Variants in PIWIL2 observed in about 807,000 individuals in gnomAD.
The protein encoded by PIWIL2 is piwi like RNA-mediated gene silencing 2.
A neutral mutation model predicts 116.5 loss-of-function variants in PIWIL2; 81 were observed. The observed-to-expected ratio is 0.70, with a 90% CI of 0.58 to 0.84. The LOEUF is 0.84. PIWIL2 is among the 40% of genes least tolerant of loss of function. PIWIL2 has a pLI of 0.00. For missense variants in PIWIL2, 1,272 were observed against 1,212.3 expected, an observed-to-expected ratio of 1.05 and a Z score of -0.73; for synonymous variants, 489 against 429.5, an observed-to-expected ratio of 1.14 and a Z score of -1.71.
intron 10 of PIWIL2, among the ~76,000 whole-genome samples, chr8:22,297,592 A>G (rs76108385): frequency 6.6e-6 from 1 of 152,190 alleles, no homozygotes; most frequent in Non-Finnish European, 1.5e-5. Flanking sequence ...GGCAGACTTT[A>G]TTCAGAACCA....
intron 6 of PIWIL2, 74 bp downstream of exon 6, chr8:22,284,346 A>G (rs1830584265): frequency 2.7e-6 from 2 of 743,584 alleles, no homozygotes; most frequent in Non-Finnish European, 2.3e-6. Flanking sequence ...GGAATAACTG[A>G]ATATTGTCCT....
At position 22,281,126 on chromosome 8, in the gene PIWIL2, G is replaced by A. The variant is rs1177659367; in HGVS notation, c.205G>A (p.Val69Met). The A allele has an allele frequency of 3.1e-6, 5 of 1,606,280 alleles. No homozygotes were observed. Among genetic ancestry groups the A allele is most frequent in the East Asian group, 2.2e-5 (1 of 44,804 alleles). Residue 69 changes from valine to methionine, a missense_variant, in exon 3 of 23, where the codon GTG (valine) becomes ATG (methionine). Transcript: ENST00000356766. ...ATTCTTTGACTTTCCACAGGAGTCT[G>A]TGGGTTTGGTCTCCATGTTCCGAGG... is the stretch of plus-strand genomic sequence containing the variant. ...TQRGPAQRES[V>M]GLVSMFRGLG...
At chr8:22,335,370 A>G (rs760198276) in intron 20 of PIWIL2, among the ~76,000 whole-genome samples, 9 of 152,038 alleles carry the variant, frequency 5.9e-5, no homozygotes, top group African/African-American at 9.7e-5. Context: ...CTGTAGTCCT[A>G]TTTATTTTTT....
Position 22,283,023 on chromosome 8 carries a change from C to G in PIWIL2, c.426-11C>G. 1 of 1,610,030 alleles carries G rather than the reference C, an allele frequency of 6.2e-7. No homozygotes were observed. Among genetic ancestry groups the G allele is most frequent in the Non-Finnish European group, 8.5e-7 (1 of 1,176,242 alleles). ...AAAAAACCCTGATTTGCCTCTCTCTCCACATTTCAGGACGCTTGGAAGAGG... is the reference window on the plus strand; with the variant it reads ...AAAAAACCCTGATTTGCCTCTCTCTGCACATTTCAGGACGCTTGGAAGAGG... On this transcript the variant is annotated splice_polypyrimidine_tract_variant and intron_variant, in intron 4 of 22. Coordinates refer to ENST00000356766, the MANE Select transcript of PIWIL2 (RefSeq NM_018068.5).
intron 16 of PIWIL2, 33 bp from the exon 17 acceptor site, chr8:22,314,295 C>A: frequency 8.2e-7 from 1 of 1,213,066 alleles, no homozygotes; most frequent in Non-Finnish European, 1.1e-6. Flanking sequence ...GAGAATTCCA[C>A]AGCCTGACTT....
At chr8:22,350,933 G>T (rs1363797602) in intron 20 of PIWIL2, among the ~76,000 whole-genome samples, 1 of 152,136 alleles carries the variant, frequency 6.6e-6, no homozygotes, top group Admixed American at 6.5e-5. Context: ...CTGAGGTCAG[G>T]AGTTTGAGAC....
intron 19 of PIWIL2, among the ~76,000 whole-genome samples, chr8:22,316,629 G>A (rs528773546): frequency 2.6e-5 from 4 of 151,732 alleles, no homozygotes; most frequent in South Asian, 2.1e-4. Flanking sequence ...TTACAGGTGC[G>A]CACCACCATG....
chr8:22,351,440 CA>C (rs1832353213), intron 20 of PIWIL2, among the ~76,000 whole-genome samples: 1 of 52,932 alleles, frequency 1.9e-5, no homozygotes. Flanking sequence ...TGCATACATA[CA>C]TATATATATA....
At chr8:22,341,305 A>G (rs1832102477) in intron 20 of PIWIL2, among the ~76,000 whole-genome samples, 1 of 152,022 alleles carries the variant, frequency 6.6e-6, no homozygotes, top group Non-Finnish European at 1.5e-5. Context: ...GATTTAAAAA[A>G]AAAAAAAAGT....
intron 16 of PIWIL2, among the ~76,000 whole-genome samples, chr8:22,312,312 T>C (rs993771036): frequency 6.6e-6 from 1 of 151,802 alleles, no homozygotes; most frequent in African/African-American, 2.4e-5. Flanking sequence ...GTCACCCATG[T>C]GGAGTACACT....
At chr8:22,349,431 A>G (rs1387206100) in intron 20 of PIWIL2, among the ~76,000 whole-genome samples, 2 of 145,950 alleles carry the variant, frequency 1.4e-5, no homozygotes, top group African/African-American at 4.9e-5. Flanking sequence ...ATATATATAT[A>G]TATATATATA....
At chr8:22,293,837 C>CT (rs1447800440) in intron 10 of PIWIL2, among the ~76,000 whole-genome samples, 2 of 152,086 alleles carry the variant, frequency 1.3e-5, no homozygotes, top group Non-Finnish European at 2.9e-5. Flanking sequence ...AAATACTGTA[C>CT]TTTTTTTGGT....
At chr8:22,280,419 T>C (rs1356253319) in intron 2 of PIWIL2, among the ~76,000 whole-genome samples, 1 of 152,236 alleles carries the variant, frequency 6.6e-6, no homozygotes, top group African/African-American at 2.4e-5. Flanking sequence ...ATAATATTTG[T>C]CTATAATTAA....
intron 20 of PIWIL2, among the ~76,000 whole-genome samples, chr8:22,341,991 AAAAAG>A (rs953152313): frequency 3.3e-5 from 5 of 152,020 alleles, no homozygotes; most frequent in African/African-American, 4.8e-5. Context: ...AAAAAAAAAA[AAAAAG>A]GTGAATTTTG....
intron 20 of PIWIL2, among the ~76,000 whole-genome samples, chr8:22,345,553 A>G (rs1342060279): frequency 6.6e-6 from 1 of 152,078 alleles, no homozygotes; most frequent in Non-Finnish European, 1.5e-5. Context: ...AATCCCAGCT[A>G]CTAGGGAGGC....
rs1430852565 is a variant in PIWIL2 at position 22,284,287 on chromosome 8, C to A, written c.743+15C>A. On this transcript the variant is annotated intron_variant, in intron 6 of 22. Transcript: ENST00000356766. ...GTGACTTTCAGGTATTCACAGCTTTCCTTTGTATTGTTCACTTCTTAAAGG... is the reference window on the plus strand; with the variant it reads ...GTGACTTTCAGGTATTCACAGCTTTACTTTGTATTGTTCACTTCTTAAAGG... 7.5e-7 allele frequency: 1 copy of A among 1,335,802 alleles called. No individual in the cohort carries two copies. Among genetic ancestry groups the A allele is most frequent in the Admixed American group, 2.0e-5 (1 of 50,288 alleles). The allele number at this position is 1,335,802 out of a possible 1,614,324, so 82.7% of individuals were successfully genotyped here.
chr8:22,353,209 A>C lies in PIWIL2; in HGVS notation c.2654A>C (p.Glu885Ala), dbSNP rs750589912. The change falls in exon 21 of 23, where the codon GAG becomes GCG. Residue 885 changes from glutamate to alanine, a missense_variant. Coordinates refer to ENST00000356766, the MANE Select transcript of PIWIL2 (RefSeq NM_018068.5). ...TVVDHTITSC[E>A]WVDFYLLAHH... is the part of the protein sequence containing the mutation. ...GTAGATCATACAATAACAAGCTGTG[A>C]GTGGTAAGTGAGCAAAATATGTAGT... is the stretch of plus-strand genomic sequence containing the variant. 3 of 1,609,060 alleles carry C rather than the reference A, an allele frequency of 1.9e-6. No individual in the cohort carries two copies. The highest frequency in any genetic ancestry group is 1.1e-5 in the South Asian group (1 of 90,746).
intron 20 of PIWIL2, 45 bp downstream of exon 20, chr8:22,318,320 T>C: frequency 7.8e-6 from 9 of 1,150,732 alleles, no homozygotes; most frequent in Non-Finnish European, 1.1e-5. Flanking sequence ...TTTTTGTTTT[T>C]TTATTTTTTT....
rs1213997968 is a variant in PIWIL2 at position 22,304,021 on chromosome 8, G to A, written c.1182G>A (p.Met394Ile). ...VIRNDCVLDV[M>I]HAIYQQNKEH... The stretch of plus-strand genomic sequence containing the variant: ...AAAAGTCTTTTATCTCTTTCCAAAG[G>A]CATGCCATTTATCAGCAGAATAAAG... The change falls in exon 11 of 23, where the codon ATG becomes ATA. Residue 394 changes from methionine to isoleucine, a missense_variant and splice_region_variant. Physicochemically the swap from Met to Ile is conservative, Grantham distance 10 (BLOSUM62 1). Coordinates refer to ENST00000356766, the MANE Select transcript of PIWIL2 (RefSeq NM_018068.5). 3.1e-6 allele frequency: 5 copies of A among 1,607,528 alleles called. No homozygotes were observed. Among genetic ancestry groups the A allele is most frequent in the South Asian group, 2.2e-5 (2 of 90,330 alleles).
Sources: allele counts gnomAD v4.1 joint callset (sites outside exome capture counted in the v4.1 genomes callset), GRCh38; gene constraint gnomAD v4.1.1; transcripts MANE v1.5; gene names NCBI Gene and HGNC (gene_info 2026-07-23, HGNC 2026-07-21).